GXYLT2: variants seen among roughly 807,000 people sequenced by gnomAD.
The protein encoded by GXYLT2 is glucoside xylosyltransferase 2, also known as glycosyltransferase 8 domain containing 4.
Under a neutral mutation model 45.8 loss-of-function variants are expected in GXYLT2, and 53 were observed. The observed-to-expected ratio is 1.16, with a 90% CI of 0.93 to 1.46. GXYLT2 has a LOEUF of 1.46. Among genes scored for constraint, GXYLT2 ranks in the 40% most tolerant of loss-of-function variants. The pLI, the probability that GXYLT2 is intolerant of heterozygous loss-of-function variation, is 0.00. For missense variants in GXYLT2, 551 were observed against 544.4 expected, an observed-to-expected ratio of 1.01 and a Z score of -0.12; for synonymous variants, 219 against 214.2, an observed-to-expected ratio of 1.02 and a Z score of -0.19.
intron 2 of GXYLT2, among the ~76,000 whole-genome samples, chr3:72,914,197 C>A (rs947159213): frequency 6.6e-6 from 1 of 152,166 alleles, no homozygotes; most frequent in Admixed American, 6.5e-5. Flanking sequence ...GCGAGTTCTT[C>A]TGTATTTAAT....
At chr3:72,970,170 G>C (rs1348292286) in intron 6 of GXYLT2, among the ~76,000 whole-genome samples, 1 of 151,976 alleles carries the variant, frequency 6.6e-6, no homozygotes, top group Admixed American at 6.6e-5. Context: ...GGCCAACATG[G>C]TAAAACCCCA....
At position 72,965,078 on chromosome 3, in the gene GXYLT2, C is replaced by T. The variant is rs140814822; in HGVS notation, c.977-2469C>T. On this transcript the variant is annotated intron_variant, in intron 5 of 6. Coordinates refer to ENST00000389617, the MANE Select transcript of GXYLT2 (RefSeq NM_001080393.2). ...GACTTGAGGATGGCCACTACTCCAT[C>T]CCACTTAGGGACTATGTATGTGCAA... Among the ~76,000 whole-genome samples, 78 of 152,280 alleles carry T rather than the reference C, an allele frequency of 5.1e-4. 1 individual carries two copies. In the East Asian group the frequency reaches 0.012, roughly 24 times the overall value.
At chr3:72,955,389 A>C (rs1484499018) in intron 4 of GXYLT2, 40 bp downstream of exon 4, 1 of 1,601,740 alleles carries the variant, frequency 6.2e-7, no homozygotes, top group Non-Finnish European at 8.5e-7. Flanking sequence ...AAAGACTGGG[A>C]GTTGGTCTTG....
intron 3 of GXYLT2, among the ~76,000 whole-genome samples, chr3:72,953,963 T>C (rs1478337774): frequency 6.6e-6 from 1 of 152,070 alleles, no homozygotes; most frequent in Non-Finnish European, 1.5e-5. Flanking sequence ...TGGTGGTGTG[T>C]AGCTGTCGTC....
rs145770255 is a variant in GXYLT2, at chr3:72,922,850, G to T, written c.600+515G>T. 5.5e-4 allele frequency among the ~76,000 whole-genome samples: 83 copies of T among 152,250 alleles called. No homozygotes were observed. The East Asian group carries it at 0.01, about 19-fold the overall frequency. On this transcript the variant is annotated intron_variant, in intron 3 of 6. Coordinates refer to ENST00000389617, the MANE Select transcript of GXYLT2 (RefSeq NM_001080393.2). ...TTTAAAATCTTGAGGCCGGCATGGCGGCTCACACCTATAATCCCAGTACTT... is the reference window on the plus strand; with the variant it reads ...TTTAAAATCTTGAGGCCGGCATGGCTGCTCACACCTATAATCCCAGTACTT...
intron 2 of GXYLT2, among the ~76,000 whole-genome samples, chr3:72,909,384 C>T (rs765239586): frequency 2.6e-5 from 4 of 151,692 alleles, no homozygotes; most frequent in Non-Finnish European, 4.4e-5. Context: ...TTTTTTTCCC[C>T]ATATATAGTT....
chr3:72,928,967 G>T (rs952074733), intron 3 of GXYLT2: 2 of 864,716 alleles, frequency 2.3e-6, no homozygotes, highest in Non-Finnish European at 1.9e-6. Context: ...ACTTCACCGC[G>T]CCCTCGGTAC....
chr3:72,954,637 A>AAAATAAATAAATAAAT (rs3078689), intron 3 of GXYLT2, among the ~76,000 whole-genome samples: 197 of 135,996 alleles, frequency 1.4e-3, no homozygotes, highest in South Asian at 3.1e-3. Context: ...CTCCATCTCA[A>AAAATAAATAAATAAAT]AAATAAATAA....
chr3:72,910,398 A>G (rs1575783090), intron 2 of GXYLT2, among the ~76,000 whole-genome samples: 2 of 152,108 alleles, frequency 1.3e-5, no homozygotes, highest in Admixed American at 1.3e-4. Context: ...ACTCACCTCC[A>G]CTATGTACTT....
intron 1 of GXYLT2, among the ~76,000 whole-genome samples, chr3:72,891,448 C>T (rs902980398): frequency 6.6e-6 from 1 of 152,240 alleles, no homozygotes. Flanking sequence ...GTAGGCAGAC[C>T]CTTCAATTTT....
chr3:72,915,609 G>A (rs1388698271), intron 2 of GXYLT2, among the ~76,000 whole-genome samples: 1 of 151,954 alleles, frequency 6.6e-6, no homozygotes, highest in Non-Finnish European at 1.5e-5. Context: ...GGCCAAGGCG[G>A]GCGGATCACC....
At chr3:72,909,380 T>C (rs537005917) in intron 2 of GXYLT2, among the ~76,000 whole-genome samples, 8 of 152,128 alleles carry the variant, frequency 5.3e-5, no homozygotes, top group South Asian at 4.2e-4. Context: ...GGTTTTTTTT[T>C]CCCCATATAT....
intron 1 of GXYLT2, among the ~76,000 whole-genome samples, chr3:72,900,551 A>T (rs944310325): frequency 3.9e-5 from 6 of 151,992 alleles, no homozygotes; most frequent in Admixed American, 2.6e-4. Context: ...AGTAGCTGGG[A>T]TTACAAGCAC....
rs558925353 is a variant in GXYLT2 at position 72,921,050 on chromosome 3, A to G, written c.469-1154A>G. 4.6e-5 allele frequency among the ~76,000 whole-genome samples: 7 copies of G among 151,746 alleles called. No homozygotes were observed. The South Asian group carries it at 1.5e-3, about 32-fold the overall frequency. ...TGGCCAGGCTGGTCTCAAACTCCTG[A>G]CCTCAAGTGATCCCCCTGCCTGGGC... On this transcript the variant is annotated intron_variant, in intron 2 of 6. Transcript: ENST00000389617.
chr3:72,901,850 C>T (rs561052130), intron 1 of GXYLT2, among the ~76,000 whole-genome samples: 4 of 151,898 alleles, frequency 2.6e-5, no homozygotes, highest in Non-Finnish European at 4.4e-5. Context: ...GGTGAGCCAC[C>T]GCACCCAGCC....
At chr3:72,921,179 T>TA (rs398062462) in intron 2 of GXYLT2, among the ~76,000 whole-genome samples, 15,986 of 144,510 alleles carry the variant, frequency 0.11, 2,213 homozygotes, top group African/African-American at 0.33. Flanking sequence ...AGTGAAGAAA[T>TA]AAAAAAAAAA....
intron 3 of GXYLT2, among the ~76,000 whole-genome samples, chr3:72,941,339 T>C (rs1351042326): frequency 6.6e-6 from 1 of 152,218 alleles, no homozygotes; most frequent in African/African-American, 2.4e-5. Context: ...AGAGTCCCTG[T>C]TGCAGAGTCA....
intron 2 of GXYLT2, among the ~76,000 whole-genome samples, chr3:72,913,416 T>C (rs1709673467): frequency 6.6e-6 from 1 of 151,136 alleles, no homozygotes; most frequent in South Asian, 2.1e-4. Flanking sequence ...AGGCAGGGGA[T>C]GGGCATGATG....
intron 3 of GXYLT2, chr3:72,929,513 G>C (rs1234473356): frequency 7.5e-7 from 1 of 1,341,366 alleles, no homozygotes; most frequent in Non-Finnish European, 1.1e-6. Context: ...TGACCAACTT[G>C]TGCAAGATGG....
Sources: allele counts gnomAD v4.1 joint callset (sites outside exome capture counted in the v4.1 genomes callset), GRCh38; gene constraint gnomAD v4.1.1; transcripts MANE v1.5; gene names NCBI Gene and HGNC (gene_info 2026-07-23, HGNC 2026-07-21).